The following SOCS5 variants were observed in gnomAD, a reference collection of about 807,000 sequenced individuals.
SOCS5 encodes the protein suppressor of cytokine signaling 5, also known as CIS-6.
Under a neutral mutation model 42.8 loss-of-function variants are expected in SOCS5, and 32 were observed. That is an observed-to-expected ratio of 0.75 (90% CI 0.56 to 1.01). SOCS5 has a LOEUF of 1.01. Ranked by LOEUF, SOCS5 falls within the 50% of genes least tolerant of loss-of-function variation. The probability of loss-of-function intolerance (pLI) is 0.00; values close to 1 mark genes in which losing one functional copy is unlikely to be tolerated. For missense variants in SOCS5, 627 were observed against 653.0 expected, an observed-to-expected ratio of 0.96 and a Z score of 0.43; for synonymous variants, 283 against 229.6, an observed-to-expected ratio of 1.23 and a Z score of -2.10.
At chr2:46,716,908 C>T (rs946982489) in intron 1 of SOCS5, among the ~76,000 whole-genome samples, 1 of 152,154 alleles carries the variant, frequency 6.6e-6, no homozygotes, top group Non-Finnish European at 1.5e-5. Context: ...CTGAGGTGTG[C>T]ACTTTTTTGT....
intron 1 of SOCS5, among the ~76,000 whole-genome samples, chr2:46,731,910 G>T (rs1673132379): frequency 6.6e-6 from 1 of 152,216 alleles, no homozygotes; most frequent in African/African-American, 2.4e-5. Flanking sequence ...TGCATGTGAA[G>T]GTAGTCATGG....
Position 46,759,870 on chromosome 2 carries a change from T to G in SOCS5, c.1340T>G (p.Phe447Cys). 6.2e-7 allele frequency: 1 copy of G among 1,614,150 alleles called. No individual in the cohort carries two copies. Among genetic ancestry groups the G allele is most frequent in the East Asian group, 2.2e-5 (1 of 44,878 alleles). ...TTCGACGCCCATGACCCGTGTGTAT[T>G]TCACTCCTCCACTGTAACGGGACTT... The part of the protein sequence containing the change: ...FSFDAHDPCV[F>C]HSSTVTGLLE... Residue 447 changes from phenylalanine (F) to cysteine (C), a missense_variant, in exon 2 of 2, where the codon TTT (phenylalanine) becomes TGT (cysteine). By Grantham distance (205) the Phe-to-Cys change is radical (BLOSUM62 -2). Transcript: ENST00000394861.
At chr2:46,749,357 A>ATG (rs1673575422) in intron 1 of SOCS5, among the ~76,000 whole-genome samples, 1 of 152,046 alleles carries the variant, frequency 6.6e-6, no homozygotes, top group Non-Finnish European at 1.5e-5. Context: ...TTTTTACCTT[A>ATG]TGTCATGTTA....
chr2:46,724,551 A>G (rs1214721971), intron 1 of SOCS5, among the ~76,000 whole-genome samples: 1 of 152,002 alleles, frequency 6.6e-6, no homozygotes, highest in Non-Finnish European at 1.5e-5. Context: ...GCTTAACTAC[A>G]TCATACAAAT....
intron 1 of SOCS5, among the ~76,000 whole-genome samples, chr2:46,748,754 C>T (rs1362020842): frequency 1.3e-5 from 2 of 152,056 alleles, no homozygotes; most frequent in East Asian, 1.9e-4. Context: ...TATTTTAGTC[C>T]TTAGAGTCTT....
intron 1 of SOCS5, among the ~76,000 whole-genome samples, chr2:46,717,016 C>T (rs2103706341): frequency 6.6e-6 from 1 of 152,142 alleles, no homozygotes; most frequent in East Asian, 1.9e-4. Context: ...GGAGAGTGTC[C>T]CAGTATTTGT....
Position 46,714,315 on chromosome 2 carries a change from A to G in SOCS5, c.-13+14866A>G, listed in dbSNP as rs1343367541. Among the ~76,000 whole-genome samples, 4 of 152,266 alleles carry G rather than the reference A, an allele frequency of 2.6e-5. No homozygotes were observed. In the East Asian group the frequency reaches 7.7e-4, roughly 29 times the overall value. On this transcript the variant is annotated intron_variant, in intron 1 of 1. Coordinates refer to ENST00000394861, the MANE Select transcript of SOCS5 (RefSeq NM_144949.3). ...AAGTTTTGTTTCCTATTTCAAGCAT[A>G]GTTTACAGCATTGTTGAGTGCATGC...
chr2:46,757,542 C>T (rs990548338), intron 1 of SOCS5, among the ~76,000 whole-genome samples: 16 of 152,308 alleles, frequency 1.1e-4, no homozygotes, highest in African/African-American at 3.8e-4. Context: ...TTTCCCAACT[C>T]TTCCAGGATT....
chr2:46,715,333 C>T (rs1672713867), intron 1 of SOCS5, among the ~76,000 whole-genome samples: 1 of 148,318 alleles, frequency 6.7e-6, no homozygotes, highest in African/African-American at 2.5e-5. Context: ...GATCATGCCA[C>T]TGTGCTTGAG....
intron 1 of SOCS5, among the ~76,000 whole-genome samples, chr2:46,725,743 A>G (rs1222154713): frequency 6.6e-6 from 1 of 152,150 alleles, no homozygotes; most frequent in Non-Finnish European, 1.5e-5. Flanking sequence ...TATAGATAAT[A>G]CATTTTTTCC....
chr2:46,734,669 TAA>T (rs1196133180), intron 1 of SOCS5, among the ~76,000 whole-genome samples: 3 of 152,164 alleles, frequency 2.0e-5, no homozygotes, highest in Non-Finnish European at 4.4e-5. Context: ...CTTACAGAAA[TAA>T]GATTTTTTTT....
At chr2:46,753,281 C>T (rs1234506682) in intron 1 of SOCS5, among the ~76,000 whole-genome samples, 1 of 152,140 alleles carries the variant, frequency 6.6e-6, no homozygotes, top group Non-Finnish European at 1.5e-5. Context: ...TCCCCAACCC[C>T]GAAACTAGGT....
At chr2:46,730,461 A>G (rs910092282) in intron 1 of SOCS5, among the ~76,000 whole-genome samples, 3 of 152,120 alleles carry the variant, frequency 2.0e-5, no homozygotes, top group African/African-American at 4.8e-5. Context: ...TTAGCCAGGC[A>G]TGGTGGTGGG....
intron 1 of SOCS5, among the ~76,000 whole-genome samples, chr2:46,747,134 G>C (rs1358234176): frequency 6.6e-6 from 1 of 151,844 alleles, no homozygotes; most frequent in East Asian, 1.9e-4. Flanking sequence ...ATTTCTTCTT[G>C]AGTCAGTTTT....
At chr2:46,744,660 T>G (rs972682424) in intron 1 of SOCS5, among the ~76,000 whole-genome samples, 4 of 151,918 alleles carry the variant, frequency 2.6e-5, no homozygotes, top group African/African-American at 9.7e-5. Context: ...CCTGAGTAGC[T>G]GGGATTACAG....
In SOCS5 at chr2:46,699,622, G is replaced by C. The variant is rs1465991880; in HGVS notation, c.-13+173G>C. Among the ~76,000 whole-genome samples, 1 of 152,140 alleles carries C rather than the reference G, an allele frequency of 6.6e-6. No homozygotes were observed. The highest frequency in any genetic ancestry group is 1.5e-5 in the Non-Finnish European group (1 of 68,000). ...GGCCTCTGGCTGGGATGGGCTGGCC[G>C]GGAAAAGGACTGCTAGCCCGGGCCG... On this transcript the variant is annotated intron_variant, in intron 1 of 1. Transcript: ENST00000394861. The surrounding 1 kb of genome is among the most constrained non-coding windows in gnomAD (Gnocchi z 4.8).
chr2:46,735,014 A>G (rs1673211563), intron 1 of SOCS5, among the ~76,000 whole-genome samples: 1 of 152,208 alleles, frequency 6.6e-6, no homozygotes, highest in Non-Finnish European at 1.5e-5. Context: ...CACTTGGCAC[A>G]TAGCTATTCA....
chr2:46,712,383 G>T (rs1204221303), intron 1 of SOCS5, among the ~76,000 whole-genome samples: 1 of 111,236 alleles, frequency 9.0e-6, no homozygotes, highest in Non-Finnish European at 1.7e-5. Flanking sequence ...TCGCTCTGTT[G>T]CCCAGGCTGG....
chr2:46,730,713 A>T (rs1002767959), intron 1 of SOCS5, among the ~76,000 whole-genome samples: 1 of 152,236 alleles, frequency 6.6e-6, no homozygotes, highest in Non-Finnish European at 1.5e-5. Context: ...AAGACATTTT[A>T]TATACACTTG....
Sources: allele counts gnomAD v4.1 joint callset (sites outside exome capture counted in the v4.1 genomes callset), GRCh38; gene constraint gnomAD v4.1.1; non-coding constraint Gnocchi (gnomAD v3.1); transcripts MANE v1.5; gene names NCBI Gene and HGNC (gene_info 2026-07-23, HGNC 2026-07-21).